Variants in SLC16A14 observed in about 807,000 individuals in gnomAD.
SLC16A14 encodes the protein monocarboxylate transporter 14.
SLC16A14 carries 14 observed loss-of-function variants against 35.8 expected under a neutral mutation model. The observed-to-expected ratio is 0.39, with a 90% CI of 0.26 to 0.61. The LOEUF is 0.61. SLC16A14 is among the 20% of genes least tolerant of loss of function. The pLI, the probability that SLC16A14 is intolerant of heterozygous loss-of-function variation, is 0.51. For missense variants in SLC16A14, 533 were observed against 655.0 expected, an observed-to-expected ratio of 0.81 and a Z score of 2.03; for synonymous variants, 248 against 258.9, an observed-to-expected ratio of 0.96 and a Z score of 0.40.
chr2:230,039,915 G>A lies in SLC16A14; in HGVS notation c.1382-2384C>T, dbSNP rs547032219. ...TATTTCGTTCAGACTATTTATTTAC[G>A]TTTTGGTGGAAGTGGTTGATTATAA... On this transcript the variant is annotated intron_variant, in intron 4 of 4. Transcript: ENST00000295190. Among the ~76,000 whole-genome samples the A allele has an allele frequency of 1.4e-3, 213 of 152,232 alleles. 1 individual carries two copies. Among genetic ancestry groups the A allele is most frequent in the Admixed American group, 4.3e-3 (65 of 15,290 alleles).
chr2:230,051,024 T>C (rs2077655794), intron 2 of SLC16A14, among the ~76,000 whole-genome samples: 1 of 152,248 alleles, frequency 6.6e-6, no homozygotes, highest in Non-Finnish European at 1.5e-5. Flanking sequence ...GCACAGTCTC[T>C]GACCAGACCT....
chr2:230,048,837 T>A (rs1446951462), intron 3 of SLC16A14, among the ~76,000 whole-genome samples: 2 of 148,992 alleles, frequency 1.3e-5, no homozygotes, highest in Non-Finnish European at 3.0e-5. Context: ...GTGGGAGAAT[T>A]GCTTGAACCC....
intron 2 of SLC16A14, among the ~76,000 whole-genome samples, chr2:230,055,758 T>A (rs577357175): frequency 1.3e-5 from 2 of 152,334 alleles, no homozygotes; most frequent in East Asian, 3.9e-4. Context: ...ATTGGGACAT[T>A]TCATATCCTG....
rs1451716040 is a variant in SLC16A14, at chr2:230,048,931, A to AG, written c.403+829_403+830insC. Among the ~76,000 whole-genome samples, 2 of 134,222 alleles carry AG rather than the reference A, an allele frequency of 1.5e-5. 1 individual carries two copies. The highest frequency in any genetic ancestry group is 5.4e-5 in the African/African-American group (2 of 37,184). The allele number at this position is 134,222 out of a possible 152,430, so 88.1% of individuals were successfully genotyped here. A position where few individuals can be genotyped will look rare whatever the true frequency, so the allele number is the denominator to read the frequency against. On this transcript the variant is annotated intron_variant, in intron 3 of 4. Coordinates refer to ENST00000295190, the MANE Select transcript of SLC16A14 (RefSeq NM_152527.5). ...AGAGTGAAACTCCATCTCAAAAAAA[A>AG]AAAAAAAAAAAAAACAAATGATTAT... is the stretch of plus-strand genomic sequence containing the variant.
At chr2:230,067,518 G>A (rs560362953) in intron 1 of SLC16A14, among the ~76,000 whole-genome samples, 45 of 141,648 alleles carry the variant, frequency 3.2e-4, no homozygotes, top group African/African-American at 1.3e-3. Flanking sequence ...CCCCAACACT[G>A]CCTCTCTCCC....
rs1196461655 is a variant in SLC16A14, at chr2:230,037,423, A to C, written c.1490T>G (p.Ile497Arg). ...CATGTATTTTCTTCTGGATTGTTCTATAATTCGAATGCACGGCTGAATAAG... is the reference window on the plus strand; with the variant it reads ...CATGTATTTTCTTCTGGATTGTTCTCTAATTCGAATGCACGGCTGAATAAG... ...FLLIQPCIRI[I>R]EQSRRKYMDG... is the part of the protein sequence containing the mutation. The change falls in exon 5 of 5, where the codon ATA (isoleucine) becomes AGA (arginine). Residue 497 changes from isoleucine (I) to arginine (R), a missense_variant. Coordinates refer to ENST00000295190, the MANE Select transcript of SLC16A14 (RefSeq NM_152527.5). 4 of 1,612,862 alleles carry C rather than the reference A, an allele frequency of 2.5e-6. No individual in the cohort carries two copies. The highest frequency in any genetic ancestry group is 1.3e-5 in the African/African-American group (1 of 74,902).
In SLC16A14 at chr2:230,068,251, C is replaced by G. The variant is rs967815665; in HGVS notation, c.-15+304G>C. On this transcript the variant is annotated intron_variant, in intron 1 of 4. Transcript: ENST00000295190. This position sits in a 1 kb window ranked among gnomAD's most constrained non-coding sequence, Gnocchi z 5.1. ...GGTGCCCAGGATGACGCTCGCGGGG[C>G]CCCGGCCAGCTTGAGCAGCAAGGCG... 6 of 152,348 alleles carry G rather than the reference C, an allele frequency of 3.9e-5. No individual in the cohort carries two copies. The highest frequency in any genetic ancestry group is 1.4e-4 in the African/African-American group (6 of 41,458). 9.4% of individuals were successfully genotyped at this position (152,348 alleles called of 1,614,324 possible). A position where few individuals can be genotyped will look rare whatever the true frequency, so the allele number is the denominator to read the frequency against.
At chr2:230,052,357 C>T (rs1014687695) in intron 2 of SLC16A14, among the ~76,000 whole-genome samples, 20 of 151,910 alleles carry the variant, frequency 1.3e-4, no homozygotes, top group Admixed American at 1.2e-3. Flanking sequence ...ATTCACATAC[C>T]GTAAGTTAGA....
intron 2 of SLC16A14, among the ~76,000 whole-genome samples, chr2:230,054,095 A>T (rs941528057): frequency 7.1e-6 from 1 of 141,428 alleles, no homozygotes; most frequent in African/African-American, 2.6e-5. Context: ...GTGGGGGGGG[A>T]AGTTAAAGCT....
chr2:230,045,518 C>G (rs1025185427), intron 4 of SLC16A14: 1 of 529,254 alleles, frequency 1.9e-6, no homozygotes, highest in African/African-American at 1.9e-5. Context: ...TGAGAGCGCA[C>G]CACTGCACTC....
At position 230,038,344 on chromosome 2, in the gene SLC16A14, A is replaced by T. The variant is rs995567138; in HGVS notation, c.1382-813T>A. Among the ~76,000 whole-genome samples, 1 of 152,200 alleles carries T rather than the reference A, an allele frequency of 6.6e-6. No individual in the cohort carries two copies. The highest frequency in any genetic ancestry group is 1.5e-5 in the Non-Finnish European group (1 of 68,038). The stretch of plus-strand genomic sequence containing the variant: ...CTTGTCAATTCAAATATGACTCAGT[A>T]TTTCCTCAGGACTTTGTAAAAGGCA... On this transcript the variant is annotated intron_variant, in intron 4 of 4. Transcript: ENST00000295190. This position sits in a 1 kb window ranked among gnomAD's most constrained non-coding sequence, Gnocchi z 4.4.
At chr2:230,066,453 A>G (rs2077795998) in intron 1 of SLC16A14, among the ~76,000 whole-genome samples, 1 of 152,164 alleles carries the variant, frequency 6.6e-6, no homozygotes, top group Non-Finnish European at 1.5e-5. Flanking sequence ...TCCCCAAATG[A>G]GTTCATAGAC....
In SLC16A14 at chr2:230,046,530, G is replaced by A. The variant is rs1483816985; in HGVS notation, c.596C>T (p.Ser199Phe). ...CGCCCCACAAACACACAGGTTTAGG[G>A]AAACGGCACCTTGGATCAACATGGC... ...RNAMLIQGAVSLNLCVCGALM... is the reference protein window; with the variant it reads ...RNAMLIQGAVFLNLCVCGALM... Residue 199 changes from serine (S) to phenylalanine (F), a missense_variant, in exon 4 of 5, where the codon TCC becomes TTC. Coordinates refer to ENST00000295190, the MANE Select transcript of SLC16A14 (RefSeq NM_152527.5). This position sits in a 1 kb window ranked among gnomAD's most constrained non-coding sequence, Gnocchi z 5.0. 1 of 1,614,244 alleles carries A rather than the reference G, an allele frequency of 6.2e-7. No homozygotes were observed. The highest frequency in any genetic ancestry group is 8.5e-7 in the Non-Finnish European group (1 of 1,180,052).
Position 230,038,702 on chromosome 2 carries a change from C to T in SLC16A14, c.1382-1171G>A, listed in dbSNP as rs1032469994. ...GGCAGATCACATGAAGCCAGGAGTT[C>T]GAGACCAGCCTGGCCAACATGGCAA... On this transcript the variant is annotated intron_variant, in intron 4 of 4. Coordinates refer to ENST00000295190, the MANE Select transcript of SLC16A14 (RefSeq NM_152527.5). The surrounding 1 kb of genome is among the most constrained non-coding windows in gnomAD (Gnocchi z 4.4). Among the ~76,000 whole-genome samples the T allele has an allele frequency of 5.3e-5, 8 of 152,032 alleles. No homozygotes were observed. Among genetic ancestry groups the T allele is most frequent in the East Asian group, 1.9e-4 (1 of 5,190 alleles).
chr2:230,060,523 A>ATATG (rs56946599), intron 1 of SLC16A14, among the ~76,000 whole-genome samples: 5 of 150,790 alleles, frequency 3.3e-5, no homozygotes, highest in East Asian at 3.9e-4. Context: ...TCATATGTAT[A>ATATG]TATGTATGTA....
At chr2:230,044,428 A>G (rs965805859) in intron 4 of SLC16A14, among the ~76,000 whole-genome samples, 5 of 150,182 alleles carry the variant, frequency 3.3e-5, no homozygotes, top group Admixed American at 2.0e-4. Flanking sequence ...CGTTAAGCTG[A>G]GATCACGCCA....
At chr2:230,067,417 A>C (rs2077808038) in intron 1 of SLC16A14, among the ~76,000 whole-genome samples, 1 of 152,190 alleles carries the variant, frequency 6.6e-6, no homozygotes, top group Admixed American at 6.5e-5. Context: ...AATGGGAGCA[A>C]TGAAGCTTAG....
intron 4 of SLC16A14, among the ~76,000 whole-genome samples, chr2:230,042,045 A>G (rs1196797174): frequency 6.6e-6 from 1 of 152,272 alleles, no homozygotes; most frequent in Non-Finnish European, 1.5e-5. Context: ...ATGGAAGATG[A>G]AGAAACCAAC....
chr2:230,045,053 G>A (rs1156606888), intron 4 of SLC16A14, among the ~76,000 whole-genome samples: 3 of 152,100 alleles, frequency 2.0e-5, no homozygotes, highest in Admixed American at 6.6e-5. Flanking sequence ...CCCTTGGGGG[G>A]AAACAACAAC....
Sources: gnomAD v4.1 joint callset for allele counts (sites outside exome capture counted in the v4.1 genomes callset) on GRCh38, gnomAD v4.1.1 for gene constraint, Gnocchi (gnomAD v3.1) non-coding constraint, MANE v1.5 for transcripts, NCBI Gene and HGNC (gene_info 2026-07-23, HGNC 2026-07-21) for gene names.